CENPC: variants seen among roughly 807,000 people sequenced by gnomAD.
The protein encoded by CENPC is CENP-C 1.
CENPC carries 63 observed loss-of-function variants against 112.1 expected under a neutral mutation model. The observed-to-expected ratio is 0.56, with a 90% CI of 0.46 to 0.69. CENPC has a LOEUF of 0.69. Among genes scored for constraint, CENPC ranks in the 30% least tolerant of loss-of-function variants. The pLI, the probability that CENPC is intolerant of heterozygous loss-of-function variation, is 0.00. For missense variants in CENPC, 1,000 were observed against 1,103.8 expected (o/e 0.91, Z 1.33); for synonymous variants, 333 against 367.6 (o/e 0.91, Z 1.08).
chr4:67,473,559 G>GT, intron 18 of CENPC, among the ~76,000 whole-genome samples: 1 of 152,028 alleles, frequency 6.6e-6, no homozygotes, highest in South Asian at 2.1e-4. Context: ...ACTTTGTTTT[G>GT]TTTTTGTTTT....
chr4:67,486,253 CAG>C (rs1347907158), intron 17 of CENPC, among the ~76,000 whole-genome samples: 9 of 152,132 alleles, frequency 5.9e-5, no homozygotes, highest in Non-Finnish European at 1.0e-4. Flanking sequence ...CTGCCCAAGC[CAG>C]AGTCTACTAT....
At chr4:67,545,240 C>G in intron 1 of CENPC, 98 bp downstream of exon 1, 1 of 1,227,100 alleles carries the variant, frequency 8.1e-7, no homozygotes, top group Non-Finnish European at 1.1e-6. Context: ...CCTCAGAGAT[C>G]ACAGCCTCAG....
intron 4 of CENPC, among the ~76,000 whole-genome samples, chr4:67,532,135 C>T (rs566148593): frequency 6.6e-6 from 1 of 152,254 alleles, no homozygotes; most frequent in South Asian, 2.1e-4. Flanking sequence ...AGCCAACGGA[C>T]ACATGAAAAA....
Position 67,494,653 on chromosome 4 carries a change from C to T in CENPC, c.2185+506G>A, listed in dbSNP as rs561650461. On this transcript the variant is annotated intron_variant, in intron 13 of 18. Transcript: ENST00000273853. ...GGGAGAAACATGGAAAGCCACCCAA[C>T]ATCACAGAAAGGTGGGAACTATCAT... 2.6e-5 allele frequency among the ~76,000 whole-genome samples: 4 copies of T among 152,334 alleles called. No homozygotes were observed. In the East Asian group the frequency reaches 5.8e-4, roughly 22 times the overall value.
rs1279086685 is a variant in CENPC, at chr4:67,512,447, T to G, written c.1567A>C (p.Ile523Leu). 2.5e-6 allele frequency: 4 copies of G among 1,601,752 alleles called. No homozygotes were observed. Among genetic ancestry groups the G allele is most frequent in the African/African-American group, 2.7e-5 (2 of 74,624 alleles). ...CACCAATCAGATGGACGCCTGGAAA[T>G]TCTTCGACTTTTCGTGACAGTTGAA... ...VTSTVTKSRR[I>L]SRRPSDWWVV... Residue 523 changes from isoleucine (I) to leucine (L), a missense_variant, in exon 9 of 19, where the codon ATT becomes CTT. Coordinates refer to ENST00000273853, the MANE Select transcript of CENPC (RefSeq NM_001812.4).
At chr4:67,490,256 C>A in intron 16 of CENPC, 135 bp from the exon 17 acceptor site, 1 of 546,668 alleles carries the variant, frequency 1.8e-6, no homozygotes. Context: ...AGCATTAACT[C>A]TGGAGCTAGA....
At chr4:67,527,313 T>A (rs1312685003) in intron 5 of CENPC, among the ~76,000 whole-genome samples, 1 of 152,100 alleles carries the variant, frequency 6.6e-6, no homozygotes, top group Non-Finnish European at 1.5e-5. Context: ...CATATGGATT[T>A]ATGCAAAAAA....
chr4:67,474,038 T>C (rs369841360), intron 18 of CENPC, among the ~76,000 whole-genome samples: 1 of 151,646 alleles, frequency 6.6e-6, no homozygotes, highest in South Asian at 2.1e-4. Flanking sequence ...TCCTCTGTAA[T>C]ACAACATATC....
intron 5 of CENPC, among the ~76,000 whole-genome samples, chr4:67,529,527 T>G (rs574029738): frequency 6.6e-6 from 1 of 152,204 alleles, no homozygotes; most frequent in South Asian, 2.1e-4. Context: ...AGTTTTACCA[T>G]GTTGGCCATG....
intron 15 of CENPC, 33 bp downstream of exon 15, chr4:67,492,836 A>G: frequency 6.6e-7 from 1 of 1,507,738 alleles, no homozygotes; most frequent in Non-Finnish European, 8.9e-7. Flanking sequence ...TTAAAATAAA[A>G]TCTAAAAGTT....
chr4:67,487,272 G>A (rs941048161), intron 17 of CENPC, among the ~76,000 whole-genome samples: 3 of 149,356 alleles, frequency 2.0e-5, no homozygotes, highest in African/African-American at 7.7e-5. Context: ...AGTTGTTAAA[G>A]TGAGTTGGCT....
rs1484262896 is a variant in CENPC, at chr4:67,468,796, A to G, written c.*3809T>C. On this transcript the variant is annotated 3_prime_UTR_variant, in exon 19 of 19. Transcript: ENST00000273853. ...TGTTCACTTCATCTTTATTTGTGGT[A>G]CAGTCATCCATACTAGAGAATACCA... 1 of 152,248 alleles carries G rather than the reference A, an allele frequency of 6.6e-6. No individual in the cohort carries two copies. The highest frequency in any genetic ancestry group is 1.5e-5 in the Non-Finnish European group (1 of 68,040). The allele number at this position is 152,248 out of a possible 1,614,324, so 9.4% of individuals were successfully genotyped here.
At chr4:67,535,392 A>G in intron 4 of CENPC, among the ~76,000 whole-genome samples, 1 of 151,918 alleles carries the variant, frequency 6.6e-6, no homozygotes, top group East Asian at 1.9e-4. Context: ...TGTGATACAG[A>G]GAGAGTACAT....
At chr4:67,531,232 G>C (rs184184477) in intron 4 of CENPC, among the ~76,000 whole-genome samples, 1 of 151,700 alleles carries the variant, frequency 6.6e-6, no homozygotes, top group South Asian at 2.1e-4. Flanking sequence ...TATTACATAC[G>C]TAACAATGGA....
At position 67,508,002 on chromosome 4, in the gene CENPC, A is replaced by G. The variant is rs367603948; in HGVS notation, c.1904+812T>C. The stretch of plus-strand genomic sequence containing the variant: ...TATCCTCAGCACCTTACTGATTCCA[A>G]CACAAAGTATGTATTACCTCAATAG... On this transcript the variant is annotated intron_variant, in intron 10 of 18. Transcript: ENST00000273853. Among the ~76,000 whole-genome samples the G allele has an allele frequency of 5.3e-5, 8 of 152,304 alleles. No homozygotes were observed. The South Asian group carries it at 1.7e-3, about 32-fold the overall frequency.
chr4:67,494,166 A>G (rs1228321935), intron 13 of CENPC, among the ~76,000 whole-genome samples, 178 bp from the exon 14 acceptor site: 1 of 152,252 alleles, frequency 6.6e-6, no homozygotes, highest in Non-Finnish European at 1.5e-5. Flanking sequence ...GCCAATGGAA[A>G]AACAGGCTAC....
At chr4:67,515,778 G>A (rs1239704114) in intron 7 of CENPC, among the ~76,000 whole-genome samples, 2 of 151,796 alleles carry the variant, frequency 1.3e-5, no homozygotes, top group Non-Finnish European at 2.9e-5. Context: ...AGTGTATCTA[G>A]AAAGGTAGCA....
intron 12 of CENPC, among the ~76,000 whole-genome samples, chr4:67,502,085 A>G (rs1405717829): frequency 3.3e-5 from 5 of 152,222 alleles, no homozygotes; most frequent in African/African-American, 1.2e-4. Flanking sequence ...ATAAGCATTA[A>G]CTCTCATGAA....
chr4:67,479,536 A>G (rs1724897567), intron 17 of CENPC, among the ~76,000 whole-genome samples: 1 of 152,222 alleles, frequency 6.6e-6, no homozygotes, highest in African/African-American at 2.4e-5. Flanking sequence ...AATAATAGTG[A>G]CACAATCTAT....
Sources: gnomAD v4.1 joint callset for allele counts (sites outside exome capture counted in the v4.1 genomes callset) on GRCh38, gnomAD v4.1.1 for gene constraint, MANE v1.5 for transcripts, NCBI Gene and HGNC (gene_info 2026-07-23, HGNC 2026-07-21) for gene names.